The following DENND1A variants were observed in gnomAD, a reference collection of about 807,000 sequenced individuals.
DENND1A encodes DENN domain-containing protein 1A.
Under a neutral mutation model 113.7 loss-of-function variants are expected in DENND1A, and 51 were observed. The ratio of observed to expected loss-of-function variants is 0.45; its 90% CI spans 0.36 to 0.57. The LOEUF (loss-of-function observed/expected upper bound fraction) is 0.57, where lower values mean the gene tolerates loss of function less well. Among genes scored for constraint, DENND1A ranks in the 20% least tolerant of loss-of-function variants. The pLI is 0.00. For synonymous variants in DENND1A, 565 were observed against 570.8 expected, an observed-to-expected ratio of 0.99 and a Z score of 0.14; for missense variants, 1,258 against 1,395.9, an observed-to-expected ratio of 0.90 and a Z score of 1.57.
At position 123,735,372 on chromosome 9, in the gene DENND1A, G is replaced by T. The variant is rs369502071; in HGVS notation, c.302+22331C>A. On this transcript the variant is annotated intron_variant, in intron 5 of 23. Coordinates refer to ENST00000394215, the MANE Select transcript of DENND1A (RefSeq NM_001352964.2). ...TGAATGTCAAAGATGACAAAAATAAGTTGCAAGATGTTAGGTAAGAAGATC... is the reference window on the plus strand; with the variant it reads ...TGAATGTCAAAGATGACAAAAATAATTTGCAAGATGTTAGGTAAGAAGATC... 3.3e-5 allele frequency among the ~76,000 whole-genome samples: 5 copies of T among 152,136 alleles called. No homozygotes were observed. The East Asian group carries it at 9.6e-4, about 29-fold the overall frequency.
intron 2 of DENND1A, among the ~76,000 whole-genome samples, chr9:123,819,927 A>C (rs894214121): frequency 2.0e-4 from 30 of 152,244 alleles, no homozygotes; most frequent in Admixed American, 1.7e-3. Context: ...TTGAAACTTA[A>C]AATTTTAAGA....
At chr9:123,806,194 T>C (rs1835530270) in intron 2 of DENND1A, among the ~76,000 whole-genome samples, 1 of 152,060 alleles carries the variant, frequency 6.6e-6, no homozygotes, top group South Asian at 2.1e-4. Context: ...CCTCAAGGGA[T>C]CCACCCGCCT....
At position 123,380,131 on chromosome 9, in the gene DENND1A, ACTGTGT is replaced by A. The variant is rs1234556655; in HGVS notation, c.*1295_*1300del. ...TTGTCCCCCAGACACCCCTGGGTAG[ACTGTGT>A]CTGACCCTTCACAAATAGGAAATGA... On this transcript the variant is annotated 3_prime_UTR_variant, in exon 24 of 24. Coordinates refer to ENST00000394215, the MANE Select transcript of DENND1A (RefSeq NM_001352964.2). 1 of 152,180 alleles carries A rather than the reference ACTGTGT, an allele frequency of 6.6e-6. No individual in the cohort carries two copies. The highest frequency in any genetic ancestry group is 1.5e-5 in the Non-Finnish European group (1 of 68,032). 9.4% of individuals were successfully genotyped at this position (152,180 alleles called of 1,614,324 possible). A position where few individuals can be genotyped will look rare whatever the true frequency, so the allele number is the denominator to read the frequency against.
intron 11 of DENND1A, among the ~76,000 whole-genome samples, chr9:123,608,009 C>T (rs1022306394): frequency 2.0e-5 from 3 of 152,082 alleles, no homozygotes; most frequent in Admixed American, 6.5e-5. Context: ...ATTTTTCATA[C>T]GGGAGCTTTG....
chr9:123,686,346 A>G (rs997310805), intron 5 of DENND1A, among the ~76,000 whole-genome samples: 2 of 152,244 alleles, frequency 1.3e-5, no homozygotes, highest in Non-Finnish European at 2.9e-5. Context: ...GACCTGCTCT[A>G]AACAGTACAA....
intron 2 of DENND1A, among the ~76,000 whole-genome samples, chr9:123,825,950 T>G (rs1436192458): frequency 6.6e-6 from 1 of 152,252 alleles, no homozygotes; most frequent in South Asian, 2.1e-4. Context: ...TTTCTTTTTC[T>G]GCTGCCATGA....
At chr9:123,765,465 C>T (rs938157636) in intron 4 of DENND1A, among the ~76,000 whole-genome samples, 2 of 152,188 alleles carry the variant, frequency 1.3e-5, no homozygotes, top group Non-Finnish European at 2.9e-5. Flanking sequence ...GCCACATTTG[C>T]ATCTGGGGTT....
At chr9:123,473,914 C>T (rs1215436667) in intron 13 of DENND1A, among the ~76,000 whole-genome samples, 2 of 151,560 alleles carry the variant, frequency 1.3e-5, no homozygotes, top group African/African-American at 4.8e-5. Flanking sequence ...CTGGTATTGG[C>T]CATGGGTTTG....
At chr9:123,431,997 T>C (rs2046167225) in intron 19 of DENND1A, among the ~76,000 whole-genome samples, 1 of 152,192 alleles carries the variant, frequency 6.6e-6, no homozygotes, top group Non-Finnish European at 1.5e-5. Context: ...ACTACTGTTT[T>C]GCACCTGGAT....
chr9:123,504,659 A>T (rs1346310088), intron 13 of DENND1A, among the ~76,000 whole-genome samples: 1 of 152,190 alleles, frequency 6.6e-6, no homozygotes, highest in Non-Finnish European at 1.5e-5. Flanking sequence ...GTCTTTGGAG[A>T]CCTGCTGACC....
At chr9:123,896,228 C>T (rs929931471) in intron 1 of DENND1A, among the ~76,000 whole-genome samples, 1 of 152,068 alleles carries the variant, frequency 6.6e-6, no homozygotes, top group African/African-American at 2.4e-5. Flanking sequence ...AGGATGTTAG[C>T]TTGAGCCCAG....
intron 9 of DENND1A, among the ~76,000 whole-genome samples, chr9:123,635,231 T>C (rs2061646371): frequency 1.3e-5 from 2 of 152,148 alleles, no homozygotes; most frequent in South Asian, 2.1e-4. Context: ...AAAACCACAA[T>C]ATGTGTAGGT....
chr9:123,592,082 T>C (rs2059485526), intron 11 of DENND1A, among the ~76,000 whole-genome samples: 2 of 152,156 alleles, frequency 1.3e-5, no homozygotes, highest in Admixed American at 1.3e-4. Flanking sequence ...GTTGCGAGGA[T>C]TTAGTGAGAT....
At chr9:123,585,671 C>T (rs1411046162) in intron 11 of DENND1A, among the ~76,000 whole-genome samples, 1 of 152,200 alleles carries the variant, frequency 6.6e-6, no homozygotes, top group Admixed American at 6.5e-5. Context: ...TGTCACACTT[C>T]AGGCTCACAC....
intron 21 of DENND1A, chr9:123,401,639 T>C: frequency 6.9e-7 from 1 of 1,446,282 alleles, no homozygotes; most frequent in East Asian, 2.5e-5. Context: ...CCAACAGAAG[T>C]AGAAAACAGG....
chr9:123,513,568 C>A (rs946450843), intron 13 of DENND1A, among the ~76,000 whole-genome samples: 4 of 152,194 alleles, frequency 2.6e-5, no homozygotes, highest in Non-Finnish European at 2.9e-5. Context: ...CGGGAAGAGC[C>A]GCTGGGTGTC....
intron 2 of DENND1A, among the ~76,000 whole-genome samples, chr9:123,810,512 G>C (rs1247982136): frequency 8.5e-6 from 1 of 117,008 alleles, no homozygotes; most frequent in Non-Finnish European, 1.6e-5. Flanking sequence ...AAGAGATCGA[G>C]ACCAGCCTGA....
chr9:123,900,361 G>C (rs1052710667), intron 1 of DENND1A, among the ~76,000 whole-genome samples: 2 of 152,178 alleles, frequency 1.3e-5, no homozygotes, highest in African/African-American at 4.8e-5. Flanking sequence ...GTTTAACAGT[G>C]AGCAAGAGGC....
chr9:123,830,635 G>C (rs967593995), intron 2 of DENND1A, among the ~76,000 whole-genome samples: 1 of 151,852 alleles, frequency 6.6e-6, no homozygotes, highest in South Asian at 2.1e-4. Flanking sequence ...GAGGCCGAGG[G>C]GGGCGGACCA....
Sources: allele counts gnomAD v4.1 joint callset (sites outside exome capture counted in the v4.1 genomes callset), GRCh38; gene constraint gnomAD v4.1.1; transcripts MANE v1.5; gene names NCBI Gene and HGNC (gene_info 2026-07-23, HGNC 2026-07-21).